NLGN1: variants seen among roughly 807,000 people sequenced by gnomAD.
NLGN1 encodes neuroligin 1, also known as neuroligin-1.
Under a neutral mutation model 65.5 loss-of-function variants are expected in NLGN1, and 12 were observed. The ratio of observed to expected loss-of-function variants is 0.18; its 90% CI spans 0.12 to 0.30. The LOEUF (loss-of-function observed/expected upper bound fraction) is 0.30, where lower values mean the gene tolerates loss of function less well. NLGN1 is among the 10% of genes least tolerant of loss of function. The probability of loss-of-function intolerance (pLI) is 1.00; values close to 1 mark genes in which losing one functional copy is unlikely to be tolerated. For synonymous variants in NLGN1, 350 were observed against 359.5 expected (o/e 0.97, Z 0.30); for missense variants, 750 against 1,007.1 (o/e 0.74, Z 3.46).
intron 2 of NLGN1, among the ~76,000 whole-genome samples, chr3:173,540,147 G>T (rs1328489527): frequency 6.6e-6 from 1 of 152,002 alleles, no homozygotes; most frequent in African/African-American, 2.4e-5. Flanking sequence ...GGATGGCAGG[G>T]CTTTACTCCC....
At chr3:174,000,610 A>G (rs1723093020) in intron 4 of NLGN1, among the ~76,000 whole-genome samples, 1 of 152,212 alleles carries the variant, frequency 6.6e-6, no homozygotes, top group South Asian at 2.1e-4. Flanking sequence ...TAGTATTTTA[A>G]TTAAGAAATT....
intron 3 of NLGN1, among the ~76,000 whole-genome samples, chr3:173,664,894 TC>T (rs1314540311): frequency 1.3e-5 from 2 of 152,124 alleles, no homozygotes; most frequent in Non-Finnish European, 2.9e-5. Context: ...ATTTAAACAC[TC>T]CCCAAAATGC....
intron 4 of NLGN1, among the ~76,000 whole-genome samples, chr3:174,070,891 AT>A (rs1739696846): frequency 6.6e-6 from 1 of 152,014 alleles, no homozygotes; most frequent in Non-Finnish European, 1.5e-5. Flanking sequence ...CCCCATCTCT[AT>A]GAAAAATTTG....
At chr3:174,256,635 C>T (rs911465349) in intron 4 of NLGN1, among the ~76,000 whole-genome samples, 3 of 152,008 alleles carry the variant, frequency 2.0e-5, no homozygotes, top group African/African-American at 7.2e-5. Flanking sequence ...TGTGGTTTTA[C>T]CCCATTTTAT....
intron 2 of NLGN1, among the ~76,000 whole-genome samples, chr3:173,587,362 T>C (rs1318296663): frequency 6.6e-6 from 1 of 152,162 alleles, no homozygotes; most frequent in Non-Finnish European, 1.5e-5. Flanking sequence ...CAGTAAACTT[T>C]GTAGGTAGTA....
intron 4 of NLGN1, among the ~76,000 whole-genome samples, chr3:173,950,031 C>A (rs1747905293): frequency 6.6e-6 from 1 of 152,032 alleles, no homozygotes; most frequent in Admixed American, 6.6e-5. Flanking sequence ...ACATTGGGAC[C>A]ACACGATCAC....
intron 4 of NLGN1, among the ~76,000 whole-genome samples, chr3:173,976,628 A>G (rs1400566782): frequency 6.6e-6 from 1 of 152,074 alleles, no homozygotes; most frequent in Non-Finnish European, 1.5e-5. Flanking sequence ...GTGTCTTACC[A>G]TGAGCTTGTT....
intron 4 of NLGN1, among the ~76,000 whole-genome samples, chr3:174,153,167 C>T (rs547281454): frequency 6.6e-6 from 1 of 152,204 alleles, no homozygotes; most frequent in African/African-American, 2.4e-5. Context: ...CTTGAAGAGG[C>T]TTAGCTATAA....
At chr3:173,939,984 TAA>T (rs1471310351) in intron 4 of NLGN1, among the ~76,000 whole-genome samples, 2 of 149,510 alleles carry the variant, frequency 1.3e-5, no homozygotes, top group African/African-American at 4.9e-5. Context: ...CTAAAAATAC[TAA>T]AACTTATGTT....
Position 174,132,413 on chromosome 3 carries a change from A to G in NLGN1, c.647-142902A>G, listed in dbSNP as rs192404501. On this transcript the variant is annotated intron_variant, in intron 4 of 6. Coordinates refer to ENST00000457714, the Ensembl canonical transcript of NLGN1. ...TTTCTTTCATGTTTCTTTTCTTTTA[A>G]TAGGATATTGAAAATTTTTCCTTCA... 1.8e-3 allele frequency among the ~76,000 whole-genome samples: 273 copies of G among 152,290 alleles called. 1 individual carries two copies. The highest frequency in any genetic ancestry group is 6.1e-3 in the African/African-American group (255 of 41,558).
chr3:173,670,816 G>A (rs1762346858), intron 3 of NLGN1, among the ~76,000 whole-genome samples: 2 of 152,078 alleles, frequency 1.3e-5, no homozygotes, highest in Non-Finnish European at 2.9e-5. Context: ...TAAAATGTCA[G>A]AAGTTCTTAA....
intron 4 of NLGN1, among the ~76,000 whole-genome samples, chr3:173,826,088 T>A (rs1274359496): frequency 6.6e-6 from 1 of 152,080 alleles, no homozygotes; most frequent in Non-Finnish European, 1.5e-5. Flanking sequence ...TGTAGGAGGA[T>A]GTTTCTCTGT....
intron 4 of NLGN1, among the ~76,000 whole-genome samples, chr3:173,990,246 A>T (rs1406248510): frequency 6.6e-6 from 1 of 152,192 alleles, no homozygotes; most frequent in African/African-American, 2.4e-5. Context: ...GCAAGTACTT[A>T]GGGTGCTAGG....
chr3:173,409,645 C>G (rs1324263599), intron 1 of NLGN1, among the ~76,000 whole-genome samples: 2 of 152,136 alleles, frequency 1.3e-5, no homozygotes, highest in Non-Finnish European at 2.9e-5. Context: ...CTTTCTGTAC[C>G]TAAATCCAGA....
At chr3:174,244,026 A>G (rs532306825) in intron 4 of NLGN1, among the ~76,000 whole-genome samples, 10 of 152,264 alleles carry the variant, frequency 6.6e-5, no homozygotes, top group Middle Eastern at 3.4e-3. Context: ...TTTACTTCTG[A>G]TTCATTTTTG....
chr3:174,094,516 C>A (rs1745098150), intron 4 of NLGN1, among the ~76,000 whole-genome samples: 1 of 151,656 alleles, frequency 6.6e-6, no homozygotes, highest in Admixed American at 6.6e-5. Flanking sequence ...ATCTTCAAAC[C>A]CCTTGTCTCC....
At chr3:173,835,319 C>T (rs1723407978) in intron 4 of NLGN1, among the ~76,000 whole-genome samples, 1 of 152,024 alleles carries the variant, frequency 6.6e-6, no homozygotes, top group African/African-American at 2.4e-5. Flanking sequence ...TAGACAAGTA[C>T]AACAAGAGGA....
At chr3:173,622,518 TG>T in intron 3 of NLGN1, among the ~76,000 whole-genome samples, 1 of 151,726 alleles carries the variant, frequency 6.6e-6, no homozygotes, top group African/African-American at 2.4e-5. Context: ...CATGATAGAA[TG>T]CCCAAATTGC....
At chr3:173,696,725 G>A (rs1037844558) in intron 3 of NLGN1, among the ~76,000 whole-genome samples, 3 of 152,020 alleles carry the variant, frequency 2.0e-5, no homozygotes, top group African/African-American at 7.2e-5. Flanking sequence ...AACATTAGTC[G>A]GGCTTGTTTT....
Sources: allele counts gnomAD v4.1 joint callset (sites outside exome capture counted in the v4.1 genomes callset), GRCh38; gene constraint gnomAD v4.1.1; transcripts MANE v1.5; gene names NCBI Gene and HGNC (gene_info 2026-07-23, HGNC 2026-07-21).